The following SOBP variants were observed in gnomAD, a reference collection of about 807,000 sequenced individuals.
SOBP encodes the protein sine oculis binding protein homolog, also known as sine oculis-binding protein homolog.
In SOBP, 4 loss-of-function variants were observed where a neutral mutation model predicts 53.6. That is an observed-to-expected ratio of 0.07 (90% CI 0.04 to 0.17). SOBP has a LOEUF of 0.17. SOBP is among the 10% of genes least tolerant of loss of function. The pLI is 1.00. For missense variants in SOBP, 1,088 were observed against 1,204.7 expected (o/e 0.90, Z 1.43); for synonymous variants, 584 against 522.6 (o/e 1.12, Z -1.60).
intron 5 of SOBP, among the ~76,000 whole-genome samples, chr6:107,588,806 A>C (rs568795167): frequency 6.6e-6 from 1 of 152,184 alleles, no homozygotes; most frequent in Admixed American, 6.5e-5. Context: ...GCTTAAACAC[A>C]TTGTTGTGTT....
At chr6:107,499,050 G>T (rs1034842366) in intron 1 of SOBP, among the ~76,000 whole-genome samples, 14 of 152,148 alleles carry the variant, frequency 9.2e-5, no homozygotes, top group Non-Finnish European at 1.5e-4. Context: ...AAGTCTTAAC[G>T]TAAGTAGATA....
intron 5 of SOBP, among the ~76,000 whole-genome samples, chr6:107,622,873 T>C (rs1000254562): frequency 6.6e-6 from 1 of 152,202 alleles, no homozygotes; most frequent in Non-Finnish European, 1.5e-5. Context: ...AAGCAAGATA[T>C]GGGATAATTT....
chr6:107,583,467 A>T (rs1284757731), intron 4 of SOBP, among the ~76,000 whole-genome samples: 1 of 152,238 alleles, frequency 6.6e-6, no homozygotes, highest in Non-Finnish European at 1.5e-5. Context: ...GAAACTAAGA[A>T]ACAAACAAAC....
At chr6:107,497,698 T>C (rs1782737194) in intron 1 of SOBP, among the ~76,000 whole-genome samples, 1 of 152,204 alleles carries the variant, frequency 6.6e-6, no homozygotes, top group African/African-American at 2.4e-5. Flanking sequence ...AAAATGTATC[T>C]ACAGTATATA....
chr6:107,652,994 A>C (rs1401640568), intron 6 of SOBP, among the ~76,000 whole-genome samples: 1 of 152,172 alleles, frequency 6.6e-6, no homozygotes, highest in Non-Finnish European at 1.5e-5. Flanking sequence ...CTCCAAAAAA[A>C]TGCATGTGAC....
chr6:107,490,937 T>C (rs988750076), intron 1 of SOBP, among the ~76,000 whole-genome samples: 4 of 152,010 alleles, frequency 2.6e-5, no homozygotes, highest in Non-Finnish European at 4.4e-5. Flanking sequence ...CCACATACTA[T>C]TTAACCTTAC....
At chr6:107,506,881 C>T (rs939311007) in intron 3 of SOBP, among the ~76,000 whole-genome samples, 1 of 151,792 alleles carries the variant, frequency 6.6e-6, no homozygotes, top group East Asian at 1.9e-4. Flanking sequence ...CATGATGAAA[C>T]CCCATGTCTA....
At chr6:107,512,879 G>C (rs1482639085) in intron 3 of SOBP, among the ~76,000 whole-genome samples, 1 of 152,132 alleles carries the variant, frequency 6.6e-6, no homozygotes, top group Non-Finnish European at 1.5e-5. Flanking sequence ...TGAGTCTTTT[G>C]ACAGGTTTTC....
intron 3 of SOBP, among the ~76,000 whole-genome samples, chr6:107,522,073 A>G (rs1038350053): frequency 6.6e-6 from 1 of 152,148 alleles, no homozygotes; most frequent in Non-Finnish European, 1.5e-5. Context: ...CAAAGGACTG[A>G]ATTCATCAGT....
At chr6:107,643,810 C>G (rs1235198304) in intron 6 of SOBP, among the ~76,000 whole-genome samples, 1 of 152,208 alleles carries the variant, frequency 6.6e-6, no homozygotes, top group Non-Finnish European at 1.5e-5. Context: ...ATAGAAGATA[C>G]AAGATGAAGT....
At chr6:107,523,420 C>T (rs1475778252) in intron 3 of SOBP, among the ~76,000 whole-genome samples, 1 of 152,226 alleles carries the variant, frequency 6.6e-6, no homozygotes, top group Non-Finnish European at 1.5e-5. Context: ...CATCTTGCTT[C>T]TTTTAACACA....
At chr6:107,614,533 G>A (rs1247986168) in intron 5 of SOBP, among the ~76,000 whole-genome samples, 7 of 152,230 alleles carry the variant, frequency 4.6e-5, no homozygotes. Flanking sequence ...AGGCCCATGG[G>A]TAGGGTTTGC....
At chr6:107,568,664 A>G (rs1353852696) in intron 4 of SOBP, among the ~76,000 whole-genome samples, 1 of 152,180 alleles carries the variant, frequency 6.6e-6, no homozygotes, top group African/African-American at 2.4e-5. Flanking sequence ...GTCAATAGGG[A>G]CACTAGTGGG....
chr6:107,521,867 T>C (rs1165165490), intron 3 of SOBP, among the ~76,000 whole-genome samples: 1 of 151,428 alleles, frequency 6.6e-6, no homozygotes, highest in African/African-American at 2.4e-5. Context: ...TATGCTCCTG[T>C]CTTAACCTGG....
intron 5 of SOBP, among the ~76,000 whole-genome samples, chr6:107,592,021 G>C (rs2115066959): frequency 1.6e-5 from 2 of 126,672 alleles, no homozygotes; most frequent in South Asian, 2.5e-4. Flanking sequence ...TTCTTCTCTG[G>C]CTAGAAACAA....
chr6:107,568,730 T>C (rs1459645897), intron 4 of SOBP, among the ~76,000 whole-genome samples: 1 of 152,228 alleles, frequency 6.6e-6, no homozygotes, highest in Non-Finnish European at 1.5e-5. Context: ...CTGTATCTTA[T>C]GAATAATCCT....
intron 5 of SOBP, among the ~76,000 whole-genome samples, chr6:107,628,367 C>T (rs1770554785): frequency 6.6e-6 from 1 of 152,076 alleles, no homozygotes; most frequent in Non-Finnish European, 1.5e-5. Context: ...GACAGAGCCT[C>T]CTAGGGAGCA....
rs79675749 is a variant in SOBP at position 107,589,871 on chromosome 6, G to A, written c.669+2696G>A. Among the ~76,000 whole-genome samples, 7 of 152,206 alleles carry A rather than the reference G, an allele frequency of 4.6e-5. No homozygotes were observed. The East Asian group carries it at 5.8e-4, about 13-fold the overall frequency. On this transcript the variant is annotated intron_variant, in intron 5 of 6. Coordinates refer to ENST00000317357, the MANE Select transcript of SOBP (RefSeq NM_018013.4). ...CACACACGTGCACACACACACACAC[G>A]GGTGTTTTGCTGGCATATCTAAGTT... is the stretch of plus-strand genomic sequence containing the variant.
intron 6 of SOBP, among the ~76,000 whole-genome samples, chr6:107,655,687 T>C (rs1290144798): frequency 6.6e-6 from 1 of 152,120 alleles, no homozygotes; most frequent in Non-Finnish European, 1.5e-5. Flanking sequence ...ATAATGATTA[T>C]TATAGTGTTT....
Sources: allele counts gnomAD v4.1 joint callset (sites outside exome capture counted in the v4.1 genomes callset), GRCh38; gene constraint gnomAD v4.1.1; transcripts MANE v1.5; gene names NCBI Gene and HGNC (gene_info 2026-07-23, HGNC 2026-07-21).